The following DCAF11 variants were observed in gnomAD, a reference collection of about 807,000 sequenced individuals.
DCAF11 encodes the protein DDB1 and CUL4 associated factor 11.
A neutral mutation model predicts 76.1 loss-of-function variants in DCAF11; 44 were observed. The observed-to-expected ratio is 0.58, with a 90% CI of 0.45 to 0.74. DCAF11 has a LOEUF of 0.74. DCAF11 is among the 30% of genes least tolerant of loss of function. DCAF11 has a pLI of 0.00. For synonymous variants in DCAF11, 258 were observed against 255.0 expected, an observed-to-expected ratio of 1.01 and a Z score of -0.11; for missense variants, 604 against 709.4, an observed-to-expected ratio of 0.85 and a Z score of 1.69.
chr14:24,122,687 C>G (rs1369406905), intron 13 of DCAF11, among the ~76,000 whole-genome samples: 1 of 152,142 alleles, frequency 6.6e-6, no homozygotes, highest in African/African-American at 2.4e-5. Flanking sequence ...CCTTCCATAT[C>G]TTACTAAAAT....
chr14:24,119,487 T>G (rs2037648809), intron 9 of DCAF11, 72 bp from the exon 10 acceptor site: 2 of 1,567,882 alleles, frequency 1.3e-6, no homozygotes, highest in South Asian at 2.2e-5. Context: ...TCAGTGGAAC[T>G]CTCTAGAGCA....
At chr14:24,116,364 A>G (rs1320000614) in intron 2 of DCAF11, among the ~76,000 whole-genome samples, 4 of 152,056 alleles carry the variant, frequency 2.6e-5, no homozygotes, top group Non-Finnish European at 5.9e-5. Flanking sequence ...TGTTGTTTTT[A>G]GTAGACATAG....
rs1382183488 is a variant in DCAF11 at position 24,115,633 on chromosome 14, CG to C, written c.41del (p.Gly14GlufsTer42). The C allele has an allele frequency of 6.2e-7, 1 of 1,613,762 alleles. No homozygotes were observed. Among genetic ancestry groups the C allele is most frequent in the Admixed American group, 1.7e-5 (1 of 59,990 alleles). The stretch of plus-strand genomic sequence containing the variant: ...ACAGCAGCAGTGCAGGATCCGGGTC[CG>C]GAGACCCCTCCGAGGGCTTGCCCCG... ...RNSSSAGSGS[G>X]DPSEGLPRRG... On this transcript the variant is annotated frameshift_variant, in exon 2 of 15. Transcript: ENST00000446197. LOFTEE classifies it high-confidence loss of function.
At chr14:24,120,556 CA>C (rs1367383367) in intron 11 of DCAF11, among the ~76,000 whole-genome samples, 2 of 149,856 alleles carry the variant, frequency 1.3e-5, no homozygotes, top group Admixed American at 6.6e-5. Context: ...GACTCCATCT[CA>C]AAAAAAAATT....
At chr14:24,118,357 C>A in intron 6 of DCAF11, 31 bp from the exon 7 acceptor site, 1 of 1,612,326 alleles carries the variant, frequency 6.2e-7, no homozygotes, top group African/African-American at 1.3e-5. Context: ...GGAAACTGTC[C>A]CATAATTCTG....
intron 13 of DCAF11, among the ~76,000 whole-genome samples, chr14:24,122,540 A>G (rs2037710733): frequency 6.6e-6 from 1 of 151,936 alleles, no homozygotes; most frequent in Non-Finnish European, 1.5e-5. Context: ...GCACAGCTGC[A>G]GATACAAGGA....
chr14:24,115,846 C>T (rs2037541736), intron 2 of DCAF11, 97 bp downstream of exon 2: 1 of 1,458,634 alleles, frequency 6.9e-7, no homozygotes, highest in African/African-American at 1.4e-5. Flanking sequence ...AAATGGGATT[C>T]GCTCAGGACA....
intron 8 of DCAF11, 160 bp from the exon 9 acceptor site, chr14:24,118,985 A>C (rs2037637969): frequency 6.9e-6 from 8 of 1,151,928 alleles, no homozygotes; most frequent in African/African-American, 1.5e-5. Context: ...AGATGGTTGC[A>C]GGATGATTTC....
intron 12 of DCAF11, 29 bp downstream of exon 12, chr14:24,121,020 T>A: frequency 6.2e-7 from 1 of 1,612,180 alleles, no homozygotes; most frequent in South Asian, 1.1e-5. Flanking sequence ...GCACAGTGGA[T>A]TTGTCTGTAG....
At chr14:24,116,885 T>C (rs946335325) in intron 2 of DCAF11, 32 bp from the exon 3 acceptor site, 3 of 1,613,576 alleles carry the variant, frequency 1.9e-6, no homozygotes, top group East Asian at 2.2e-5. Flanking sequence ...GGGGAAGAAG[T>C]CCCCTCCTTT....
chr14:24,119,561 C>T lies in DCAF11; in HGVS notation c.851C>T (p.Ala284Val), dbSNP rs2037650675. 6.2e-7 allele frequency: 1 copy of T among 1,614,234 alleles called. No homozygotes were observed. Among genetic ancestry groups the T allele is most frequent in the Non-Finnish European group, 8.5e-7 (1 of 1,180,042 alleles). The change falls in exon 10 of 15, where the codon GCC becomes GTC. Residue 284 changes from alanine to valine, a missense_variant and splice_region_variant. Physicochemically the swap from Ala to Val is moderately conservative, Grantham distance 64. Coordinates refer to ENST00000446197, the MANE Select transcript of DCAF11 (RefSeq NM_025230.5). ...SSDGREVLGGANDGCLYVFDR... is the reference protein window; with the variant it reads ...SSDGREVLGGVNDGCLYVFDR... ...CTCCTTTATCCCTTCCCTTTCAGGGCCAATGATGGCTGCCTGTATGTCTTT... is the reference window on the plus strand; with the variant it reads ...CTCCTTTATCCCTTCCCTTTCAGGGTCAATGATGGCTGCCTGTATGTCTTT...
In DCAF11 at chr14:24,115,455, G is replaced by A; in HGVS notation, c.-140G>A. The A allele has an allele frequency of 1.6e-6, 2 of 1,249,574 alleles. No homozygotes were observed. Among genetic ancestry groups the A allele is most frequent in the Non-Finnish European group, 2.2e-6 (2 of 920,750 alleles). The allele number at this position is 1,249,574 out of a possible 1,614,324, so 77.4% of individuals were successfully genotyped here. A position where few individuals can be genotyped will look rare whatever the true frequency, so the allele number is the denominator to read the frequency against. On this transcript the variant is annotated 5_prime_UTR_variant, in exon 2 of 15. Transcript: ENST00000446197. ...AAAGAAAAGGGATCTCAGCCCCGAG[G>A]AAGGGTCACCCTCCTAGAGATAGCT... is the stretch of plus-strand genomic sequence containing the variant.
At chr14:24,118,191 GGAACAT>G in intron 6 of DCAF11, 36 bp downstream of exon 6, 1 of 1,588,142 alleles carries the variant, frequency 6.3e-7, no homozygotes, top group Non-Finnish European at 8.6e-7. Flanking sequence ...ATCTTTTCCT[GGAACAT>G]GGGACATTCC....
At chr14:24,122,943 C>A (rs757716312) in intron 13 of DCAF11, 28 bp from the exon 14 acceptor site, 2 of 1,603,396 alleles carry the variant, frequency 1.2e-6, no homozygotes, top group South Asian at 2.2e-5. Flanking sequence ...TGTGGTGGTC[C>A]CTCTCCACTC....
chr14:24,118,650 G>A, intron 7 of DCAF11, 100 bp from the exon 8 acceptor site: 1 of 1,592,498 alleles, frequency 6.3e-7, no homozygotes, highest in Non-Finnish European at 8.6e-7. Context: ...CTCCCAAAGT[G>A]CTCCAGTACC....
At position 24,115,558 on chromosome 14, in the gene DCAF11, G is replaced by T; in HGVS notation, c.-37G>T. ...CAAACCCAAGGAGGTGACAGGAGGA[G>T]CCCCCGCACAGGACCTAAGAATGCT... On this transcript the variant is annotated 5_prime_UTR_variant, in exon 2 of 15. Coordinates refer to ENST00000446197, the MANE Select transcript of DCAF11 (RefSeq NM_025230.5). The T allele has an allele frequency of 1.9e-6, 3 of 1,578,150 alleles. No homozygotes were observed. Among genetic ancestry groups the T allele is most frequent in the Non-Finnish European group, 2.6e-6 (3 of 1,162,696 alleles).
rs1246424230 is a variant in DCAF11 at position 24,124,798 on chromosome 14, T to A, written c.*1489T>A. On this transcript the variant is annotated 3_prime_UTR_variant, in exon 15 of 15. Transcript: ENST00000446197. ...GGTTCACACCTGTAATCCCGGCATT[T>A]TGGGAGGCCGAGATAGGTGGATCAC... 6.6e-6 allele frequency: 1 copy of A among 152,166 alleles called. No individual in the cohort carries two copies. Among genetic ancestry groups the A allele is most frequent in the Non-Finnish European group, 1.5e-5 (1 of 68,054 alleles). The allele number at this position is 152,166 out of a possible 1,614,324, so 9.4% of individuals were successfully genotyped here. A position where few individuals can be genotyped will look rare whatever the true frequency, so the allele number is the denominator to read the frequency against.
intron 9 of DCAF11, 139 bp from the exon 10 acceptor site, chr14:24,119,420 C>T (rs1481960874): frequency 1.6e-6 from 2 of 1,261,160 alleles, no homozygotes; most frequent in African/African-American, 1.5e-5. Context: ...ACACAGCTAA[C>T]TCTTCCCCCA....
At position 24,115,448 on chromosome 14, in the gene DCAF11, C is replaced by A; in HGVS notation, c.-147C>A. 8.6e-7 allele frequency: 1 copy of A among 1,169,566 alleles called. No individual in the cohort carries two copies. Among genetic ancestry groups the A allele is most frequent in the Non-Finnish European group, 1.2e-6 (1 of 851,218 alleles). 72.4% of individuals were successfully genotyped at this position (1,169,566 alleles called of 1,614,324 possible). ...ATAGGCTAAAGAAAAGGGATCTCAG[C>A]CCCGAGGAAGGGTCACCCTCCTAGA... On this transcript the variant is annotated 5_prime_UTR_variant, in exon 2 of 15. Coordinates refer to ENST00000446197, the MANE Select transcript of DCAF11 (RefSeq NM_025230.5).
Sources: allele counts gnomAD v4.1 joint callset (sites outside exome capture counted in the v4.1 genomes callset), GRCh38; gene constraint gnomAD v4.1.1; transcripts MANE v1.5; gene names NCBI Gene and HGNC (gene_info 2026-07-23, HGNC 2026-07-21).